Variants in TCF4 observed in about 807,000 individuals in gnomAD.
TCF4 encodes transcription factor 4, also known as SL3-3 enhancer factor 2.
A neutral mutation model predicts 82.1 loss-of-function variants in TCF4; 3 were observed. The observed-to-expected ratio is 0.04, with a 90% confidence interval of 0.02 to 0.09. TCF4 has a LOEUF of 0.09. Among genes scored for constraint, TCF4 ranks in the 10% least tolerant of loss-of-function variants. The pLI is 1.00. For missense variants in TCF4, 518 were observed against 852.7 expected (o/e 0.61, Z 4.89); for synonymous variants, 276 against 309.6 (o/e 0.89, Z 1.14).
At chr18:55,484,378 G>A (rs1339720502) in intron 3 of TCF4, among the ~76,000 whole-genome samples, 1 of 152,164 alleles carries the variant, frequency 6.6e-6, no homozygotes, top group Admixed American at 6.5e-5. Flanking sequence ...TAGAGAATAT[G>A]TTTAAATTAA....
At chr18:55,490,037 C>T (rs1030829803) in intron 3 of TCF4, among the ~76,000 whole-genome samples, 5 of 152,250 alleles carry the variant, frequency 3.3e-5, no homozygotes, top group South Asian at 2.1e-4. Context: ...TTAGAAAGAA[C>T]GGTTTCAAAC....
chr18:55,241,906 C>T (rs1327169705), intron 15 of TCF4, among the ~76,000 whole-genome samples: 1 of 152,200 alleles, frequency 6.6e-6, no homozygotes, highest in Non-Finnish European at 1.5e-5. Context: ...AAGAGGTCCA[C>T]CTTGTGCTGA....
chr18:55,404,164 T>C (rs1479259843), intron 5 of TCF4: 1 of 418,970 alleles, frequency 2.4e-6, no homozygotes, highest in East Asian at 7.6e-5. Context: ...GATCATGGAA[T>C]GTGAATGTCT....
At chr18:55,342,515 C>T (rs2080214905) in intron 8 of TCF4, among the ~76,000 whole-genome samples, 1 of 152,112 alleles carries the variant, frequency 6.6e-6, no homozygotes, top group Non-Finnish European at 1.5e-5. Flanking sequence ...TGCTTTTCTA[C>T]TTGACCAAAT....
chr18:55,580,119 T>C (rs2097562496), intron 3 of TCF4, among the ~76,000 whole-genome samples: 1 of 152,024 alleles, frequency 6.6e-6, no homozygotes, highest in Non-Finnish European at 1.5e-5. Flanking sequence ...TCCCCACGCT[T>C]GTTTAATGCA....
At chr18:55,547,930 T>C (rs1449043424) in intron 3 of TCF4, among the ~76,000 whole-genome samples, 1 of 152,228 alleles carries the variant, frequency 6.6e-6, no homozygotes, top group East Asian at 1.9e-4. Context: ...ATAGCACTCA[T>C]ATTCTTTGCA....
At chr18:55,585,611 AAC>A (rs796785313) in intron 2 of TCF4, 18 of 602,136 alleles carry the variant, frequency 3.0e-5, no homozygotes, top group African/African-American at 3.0e-4. Context: ...ATTTGGAACA[AAC>A]ACAGTCCCCA....
intron 2 of TCF4, among the ~76,000 whole-genome samples, chr18:55,594,355 A>G (rs745820274): frequency 6.6e-6 from 1 of 152,150 alleles, no homozygotes; most frequent in East Asian, 1.9e-4. Context: ...TTCCTTTTAC[A>G]TTGACCAGCT....
At chr18:55,477,051 T>C (rs560463958) in intron 3 of TCF4, among the ~76,000 whole-genome samples, 1 of 152,216 alleles carries the variant, frequency 6.6e-6, no homozygotes, top group Non-Finnish European at 1.5e-5. Flanking sequence ...TGTTACAACT[T>C]GTTCAAATGA....
intron 15 of TCF4, among the ~76,000 whole-genome samples, chr18:55,254,174 GT>G (rs1423658619): frequency 6.6e-6 from 1 of 152,202 alleles, no homozygotes; most frequent in Non-Finnish European, 1.5e-5. Context: ...TCCAGAATAG[GT>G]AAATCTATAG....
intron 8 of TCF4, among the ~76,000 whole-genome samples, chr18:55,341,409 A>C (rs974112480): frequency 2.0e-5 from 3 of 152,234 alleles, no homozygotes; most frequent in Admixed American, 1.3e-4. Context: ...AGAACATGGA[A>C]TAAGTACTCT....
At chr18:55,522,752 C>T (rs1222275596) in intron 3 of TCF4, among the ~76,000 whole-genome samples, 1 of 151,988 alleles carries the variant, frequency 6.6e-6, no homozygotes, top group Non-Finnish European at 1.5e-5. Flanking sequence ...CATCATGAAT[C>T]GCTTATGCAT....
At chr18:55,518,321 A>T (rs2096902409) in intron 3 of TCF4, among the ~76,000 whole-genome samples, 1 of 152,194 alleles carries the variant, frequency 6.6e-6, no homozygotes, top group South Asian at 2.1e-4. Flanking sequence ...TTTCACAGAA[A>T]CAAAATTTCA....
At chr18:55,518,816 G>A (rs1304760170) in intron 3 of TCF4, among the ~76,000 whole-genome samples, 4 of 152,114 alleles carry the variant, frequency 2.6e-5, no homozygotes, top group Admixed American at 6.6e-5. Context: ...GAAGTGTGAC[G>A]GGGTCCTTGT....
At chr18:55,575,534 T>C (rs910734386) in intron 3 of TCF4, among the ~76,000 whole-genome samples, 1 of 152,206 alleles carries the variant, frequency 6.6e-6, no homozygotes, top group South Asian at 2.1e-4. Flanking sequence ...GGTTCTTAAC[T>C]GAAATCTTTT....
At chr18:55,609,092 G>T (rs904647091) in intron 2 of TCF4, among the ~76,000 whole-genome samples, 1 of 152,270 alleles carries the variant, frequency 6.6e-6, no homozygotes, top group South Asian at 2.1e-4. Context: ...CAGGAAGTGG[G>T]CTGGGCTCTT....
intron 3 of TCF4, among the ~76,000 whole-genome samples, chr18:55,537,065 CA>C: frequency 6.9e-6 from 1 of 145,054 alleles, no homozygotes; most frequent in Middle Eastern, 3.6e-3. Context: ...ACCTGGGAGG[CA>C]GAGCTGGCAG....
chr18:55,531,496 A>G (rs530127708), intron 3 of TCF4, among the ~76,000 whole-genome samples: 34 of 152,336 alleles, frequency 2.2e-4, no homozygotes, highest in African/African-American at 8.2e-4. Flanking sequence ...GGATGTATAC[A>G]CTGTATATAT....
intron 3 of TCF4, among the ~76,000 whole-genome samples, chr18:55,582,131 T>A (rs2097580758): frequency 6.6e-6 from 1 of 152,120 alleles, no homozygotes; most frequent in South Asian, 2.1e-4. Flanking sequence ...AAATAAACTG[T>A]CCTTCTGCTA....
Sources: gnomAD v4.1 joint callset for allele counts (sites outside exome capture counted in the v4.1 genomes callset) on GRCh38, gnomAD v4.1.1 for gene constraint, MANE v1.5 for transcripts, NCBI Gene and HGNC (gene_info 2026-07-23, HGNC 2026-07-21) for gene names.